Variants in NTM observed in about 807,000 individuals in gnomAD.
The protein encoded by NTM is IgLON family member 2.
A neutral mutation model predicts 42.1 loss-of-function variants in NTM; 13 were observed. That is an observed-to-expected ratio of 0.31 (90% CI 0.20 to 0.49). The LOEUF (loss-of-function observed/expected upper bound fraction) is 0.49. Ranked by LOEUF, NTM falls within the 20% of genes least tolerant of loss-of-function variation. The pLI, the probability that NTM is intolerant of heterozygous loss-of-function variation, is 0.99. For synonymous variants in NTM, 187 were observed against 179.2 expected (o/e 1.04, Z -0.35); for missense variants, 373 against 452.8 (o/e 0.82, Z 1.60).
intron 4 of NTM, among the ~76,000 whole-genome samples, chr11:132,257,018 C>T (rs1350240204): frequency 1.3e-5 from 2 of 152,216 alleles, no homozygotes; most frequent in Non-Finnish European, 2.9e-5. Context: ...AGGGCCCTGC[C>T]TCCCCAGGTC....
At chr11:132,234,368 A>G (rs1196240702) in intron 4 of NTM, among the ~76,000 whole-genome samples, 3 of 152,132 alleles carry the variant, frequency 2.0e-5, no homozygotes, top group Non-Finnish European at 1.5e-5. Flanking sequence ...ACCAAAACAT[A>G]TCATTGCATA....
intron 1 of NTM, among the ~76,000 whole-genome samples, chr11:131,777,705 A>G (rs545512206): frequency 1.3e-5 from 2 of 152,306 alleles, no homozygotes; most frequent in East Asian, 1.9e-4. Context: ...TGACATACTG[A>G]GATATTACAG....
intron 1 of NTM, among the ~76,000 whole-genome samples, chr11:131,725,656 T>C (rs559483810): frequency 6.6e-6 from 1 of 152,316 alleles, no homozygotes; most frequent in South Asian, 2.1e-4. Flanking sequence ...TGAGGGCCAC[T>C]GGGTCAGAGA....
intron 1 of NTM, chr11:131,660,177 C>A: frequency 4.1e-6 from 1 of 242,446 alleles, no homozygotes; most frequent in Non-Finnish European, 8.7e-6. Flanking sequence ...TCAAAGTGTC[C>A]CGTAGGACTC....
At chr11:132,169,399 G>C (rs1034301725) in intron 3 of NTM, among the ~76,000 whole-genome samples, 2 of 128,552 alleles carry the variant, frequency 1.6e-5, no homozygotes, top group African/African-American at 5.9e-5. Flanking sequence ...GCAGTGGCGG[G>C]ATCTCAGCTC....
chr11:131,731,918 C>T (rs1386806888), intron 1 of NTM, among the ~76,000 whole-genome samples: 1 of 152,176 alleles, frequency 6.6e-6, no homozygotes, highest in Non-Finnish European at 1.5e-5. Context: ...CCCCAAGCCT[C>T]TATCTGTACA....
chr11:132,195,625 C>G (rs2080082373), intron 3 of NTM, among the ~76,000 whole-genome samples: 1 of 152,090 alleles, frequency 6.6e-6, no homozygotes. Context: ...ACCAACAGAA[C>G]AGGATAGAGG....
chr11:132,326,031 G>A lies in NTM; in HGVS notation c.935-4122G>A, dbSNP rs190128821. On this transcript the variant is annotated intron_variant, in intron 7 of 8. Transcript: ENST00000683400. ...GGGGACTGTTGTGGGGTGGGGGGAC[G>A]GGGGAGGGATAGCATTAGGATATAT... Among the ~76,000 whole-genome samples, 109 of 151,952 alleles carry A rather than the reference G, an allele frequency of 7.2e-4. 1 individual carries two copies. The highest frequency in any genetic ancestry group is 6.0e-3 in the Admixed American group (91 of 15,276).
At chr11:131,973,251 T>C (rs2063817239) in intron 2 of NTM, among the ~76,000 whole-genome samples, 1 of 152,190 alleles carries the variant, frequency 6.6e-6, no homozygotes, top group East Asian at 1.9e-4. Flanking sequence ...GTTCTTCCAA[T>C]AGGATACAGA....
rs772243066 is a variant in NTM at position 131,370,824 on chromosome 11, A to C, written c.18A>C (p.Pro6=). The stretch of plus-strand genomic sequence containing the variant: ...AAAAAATCATGAAAACCATCCAGCC[A>C]AAAATGCACAATTCTATCTCTTGGG... The part of the protein sequence containing the change: MKTIQ[P]KMHNSISWAI... Residue 6 remains proline (P), a synonymous_variant, in exon 1 of 9, where the codon CCA becomes CCC. Coordinates refer to ENST00000683400, the MANE Select transcript of NTM (RefSeq NM_001352005.2). 6 of 1,613,676 alleles carry C rather than the reference A, an allele frequency of 3.7e-6. No individual in the cohort carries two copies. In the African/African-American group the frequency reaches 8.0e-5, roughly 22 times the overall value.
chr11:132,042,270 G>A (rs750284826), intron 2 of NTM, among the ~76,000 whole-genome samples: 8 of 152,138 alleles, frequency 5.3e-5, no homozygotes, highest in Non-Finnish European at 1.2e-4. Context: ...TGTGAGAGCT[G>A]TGCCCCATGT....
chr11:131,913,583 T>C (rs1003026359), intron 2 of NTM, among the ~76,000 whole-genome samples: 2 of 152,206 alleles, frequency 1.3e-5, no homozygotes, highest in African/African-American at 4.8e-5. Context: ...CTTATCTTTC[T>C]TTGTCTTCCC....
intron 4 of NTM, chr11:132,306,199 C>T (rs1020819639): frequency 2.6e-5 from 4 of 152,130 alleles, no homozygotes; most frequent in Admixed American, 2.0e-4. Flanking sequence ...TTGTGGTTAT[C>T]TTGACAAAAC....
chr11:131,640,482 C>A (rs982275901), intron 1 of NTM, among the ~76,000 whole-genome samples: 1 of 152,148 alleles, frequency 6.6e-6, no homozygotes, highest in African/African-American at 2.4e-5. Context: ...GTTGCCTGAA[C>A]CATGAGATTG....
intron 4 of NTM, among the ~76,000 whole-genome samples, chr11:132,241,407 T>G (rs1009416167): frequency 6.6e-6 from 1 of 152,238 alleles, no homozygotes; most frequent in Non-Finnish European, 1.5e-5. Flanking sequence ...TACCATGTGT[T>G]GGATGAAATG....
Position 131,521,383 on chromosome 11 carries a change from C to CTTT in NTM, c.82+150532_82+150534dup, listed in dbSNP as rs773233050. Among the ~76,000 whole-genome samples the CTTT allele has an allele frequency of 7.4e-4, 34 of 45,752 alleles. 12 individuals carry two copies. The highest frequency in any genetic ancestry group is 1.1e-3 in the Non-Finnish European group (28 of 25,548). The allele number at this position is 45,752 out of a possible 152,430, so 30.0% of individuals were successfully genotyped here. On this transcript the variant is annotated intron_variant, in intron 1 of 8. Transcript: ENST00000683400. ...AATGCAGAAGAAGCAAGGTGCCAGTCTTTTTTTTTTTTTTTTTTTTTTTTT... is the reference window on the plus strand; with the variant it reads ...AATGCAGAAGAAGCAAGGTGCCAGTCTTTTTTTTTTTTTTTTTTTTTTTTTTTT...
At chr11:132,031,384 A>G (rs559923692) in intron 2 of NTM, among the ~76,000 whole-genome samples, 47 of 152,338 alleles carry the variant, frequency 3.1e-4, no homozygotes, top group African/African-American at 1.1e-3. Flanking sequence ...CAAGAAGACC[A>G]GTAAGGAGAC....
At chr11:132,188,703 G>C (rs2078825993) in intron 3 of NTM, among the ~76,000 whole-genome samples, 1 of 152,162 alleles carries the variant, frequency 6.6e-6, no homozygotes, top group Non-Finnish European at 1.5e-5. Flanking sequence ...GTGAGATGGA[G>C]ACCCCTGCAT....
At chr11:131,742,032 CAG>C (rs35932837) in intron 1 of NTM, among the ~76,000 whole-genome samples, 3,945 of 152,202 alleles carry the variant, frequency 0.026, 173 homozygotes, top group African/African-American at 0.09. Flanking sequence ...GATGAGAACA[CAG>C]AGACACAGAA....
Sources: allele counts gnomAD v4.1 joint callset (sites outside exome capture counted in the v4.1 genomes callset), GRCh38; gene constraint gnomAD v4.1.1; transcripts MANE v1.5; gene names NCBI Gene and HGNC (gene_info 2026-07-23, HGNC 2026-07-21).